Variants in CLCN6 observed in about 807,000 individuals in gnomAD.
The protein encoded by CLCN6 is H(+)/Cl(-) exchange transporter 6.
A neutral mutation model predicts 109.8 loss-of-function variants in CLCN6; 70 were observed. The observed-to-expected ratio is 0.64, with a 90% CI of 0.53 to 0.78. CLCN6 has a LOEUF of 0.78. CLCN6 is among the 30% of genes least tolerant of loss of function. The pLI, the probability that CLCN6 is intolerant of heterozygous loss-of-function variation, is 0.00. For missense variants in CLCN6, 984 were observed against 1,142.3 expected, an observed-to-expected ratio of 0.86 and a Z score of 2.00; for synonymous variants, 444 against 447.8, an observed-to-expected ratio of 0.99 and a Z score of 0.11.
intron 9 of CLCN6, 122 bp downstream of exon 9, chr1:11,826,336 G>A (rs1410237608): frequency 1.3e-6 from 1 of 782,828 alleles, no homozygotes; most frequent in Admixed American, 2.3e-5. Flanking sequence ...CTGGGAGAAG[G>A]GGGCGGGCTT....
chr1:11,827,252 C>T, intron 10 of CLCN6, 31 bp downstream of exon 10: 1 of 1,596,746 alleles, frequency 6.3e-7, no homozygotes, highest in Middle Eastern at 1.8e-4. Flanking sequence ...AAGCATTAAC[C>T]ACACCCCCCG....
At chr1:11,833,425 G>C in intron 13 of CLCN6, 90 bp from the exon 14 acceptor site, 3 of 1,321,750 alleles carry the variant, frequency 2.3e-6, no homozygotes, top group Non-Finnish European at 3.2e-6. Context: ...AAGCTGTGCA[G>C]CCACCTGTTT....
chr1:11,823,948 G>A, intron 7 of CLCN6, 115 bp downstream of exon 7: 1 of 1,359,674 alleles, frequency 7.4e-7, no homozygotes, highest in Admixed American at 2.2e-5. Context: ...AACAGCTGAT[G>A]TCTGCACTTT....
chr1:11,819,617 T>C (rs915718494), intron 5 of CLCN6, 63 bp downstream of exon 5: 2 of 1,432,696 alleles, frequency 1.4e-6, no homozygotes, highest in Non-Finnish European at 2.0e-6. Flanking sequence ...CTTTCTTACA[T>C]AGAAATGGGT....
At chr1:11,816,366 A>T (rs774036557) in intron 3 of CLCN6, among the ~76,000 whole-genome samples, 12 of 152,182 alleles carry the variant, frequency 7.9e-5, no homozygotes, top group Non-Finnish European at 1.3e-4. Flanking sequence ...TCTGCAAGGT[A>T]GGCCTATGTT....
chr1:11,829,344 C>T (rs1408674092), intron 13 of CLCN6, 22 bp downstream of exon 13: 1 of 1,613,774 alleles, frequency 6.2e-7, no homozygotes, highest in Non-Finnish European at 8.5e-7. Flanking sequence ...GCACCTGCTA[C>T]CTTTATCCCA....
At chr1:11,806,866 C>T in intron 1 of CLCN6, 2 of 438,846 alleles carry the variant, frequency 4.6e-6, no homozygotes, top group Non-Finnish European at 8.1e-6. Flanking sequence ...CCCCCCTTTT[C>T]AGCTGGCGTT....
intron 19 of CLCN6, 58 bp downstream of exon 19, chr1:11,837,214 T>C (rs198405): frequency 0.14 from 229,847 of 1,601,378 alleles, 19,168 homozygotes; most frequent in African/African-American, 0.37. Context: ...GGGGTGAGCC[T>C]TTGGCTCAGA....
intron 17 of CLCN6, 102 bp from the exon 18 acceptor site, chr1:11,835,865 A>G: frequency 2.2e-6 from 2 of 914,134 alleles, no homozygotes; most frequent in South Asian, 1.7e-5. Flanking sequence ...AGAGCCCCCC[A>G]CCCCGCCCGT....
At chr1:11,813,160 T>A (rs1362824572) in intron 2 of CLCN6, among the ~76,000 whole-genome samples, 1 of 152,176 alleles carries the variant, frequency 6.6e-6, no homozygotes, top group African/African-American at 2.4e-5. Flanking sequence ...GGGTAATCAT[T>A]CTGCAGTTCC....
intron 2 of CLCN6, among the ~76,000 whole-genome samples, chr1:11,812,239 A>G (rs552067246): frequency 6.6e-6 from 1 of 152,328 alleles, no homozygotes; most frequent in South Asian, 2.1e-4. Flanking sequence ...CAGAAATGCT[A>G]CTTACATTTG....
intron 8 of CLCN6, among the ~76,000 whole-genome samples, chr1:11,825,873 G>A (rs536966353): frequency 8.5e-5 from 13 of 152,272 alleles, no homozygotes; most frequent in African/African-American, 2.9e-4. Context: ...TCAGCCGTCC[G>A]CCTCGGCCTC....
At chr1:11,814,781 C>T (rs1187181789) in intron 2 of CLCN6, among the ~76,000 whole-genome samples, 1 of 151,826 alleles carries the variant, frequency 6.6e-6, no homozygotes, top group East Asian at 1.9e-4. Context: ...GCCTGTAATC[C>T]CAGCACTTTG....
At chr1:11,840,101 G>A (rs749704611) in intron 22 of CLCN6, 42 bp from the exon 23 acceptor site, 18 of 1,553,116 alleles carry the variant, frequency 1.2e-5, no homozygotes, top group Middle Eastern at 3.3e-4. Context: ...CTCGCCAGCG[G>A]GTTTTACCCT....
chr1:11,838,798 C>A, intron 22 of CLCN6, 138 bp downstream of exon 22: 2 of 1,281,824 alleles, frequency 1.6e-6, no homozygotes, highest in Admixed American at 1.7e-5. Flanking sequence ...TAGCTTTGAA[C>A]CCTGCTCGGC....
intron 22 of CLCN6, chr1:11,838,902 G>A: frequency 1.4e-6 from 1 of 721,352 alleles, no homozygotes; most frequent in South Asian, 1.5e-5. Flanking sequence ...GCCTCTACCA[G>A]GCTGTGTCTT....
chr1:11,830,833 C>CTGTT (rs71568359), intron 13 of CLCN6, among the ~76,000 whole-genome samples: 57,111 of 142,032 alleles, frequency 0.4, 11,934 homozygotes, highest in African/African-American at 0.53. Context: ...TTATATATTT[C>CTGTT]TGTTTGTTTT....
chr1:11,811,691 A>C (rs1325609560), intron 2 of CLCN6, among the ~76,000 whole-genome samples: 1 of 152,176 alleles, frequency 6.6e-6, no homozygotes, highest in Non-Finnish European at 1.5e-5. Flanking sequence ...TAATTCCTAC[A>C]GTCAATTTTA....
chr1:11,811,384 A>AT (rs112220577), intron 2 of CLCN6, among the ~76,000 whole-genome samples: 6,901 of 143,996 alleles, frequency 0.048, 217 homozygotes, highest in East Asian at 0.13. Flanking sequence ...CCTACAGTCA[A>AT]TTTTTTTTTT....
Sources: gnomAD v4.1 joint callset for allele counts (sites outside exome capture counted in the v4.1 genomes callset) on GRCh38, gnomAD v4.1.1 for gene constraint, MANE v1.5 for transcripts, NCBI Gene and HGNC (gene_info 2026-07-23, HGNC 2026-07-21) for gene names.